MGST2: variants seen among roughly 807,000 people sequenced by gnomAD.
The protein encoded by MGST2 is glutathione peroxidase MGST2.
MGST2 carries 9 observed loss-of-function variants against 16.6 expected under a neutral mutation model. That is an observed-to-expected ratio of 0.54 (90% confidence interval 0.33 to 0.95). MGST2 has a LOEUF of 0.95. MGST2 is among the 40% of genes least tolerant of loss of function. The pLI is 0.03. For synonymous variants in MGST2, 79 were observed against 68.0 expected (o/e 1.16, Z -0.79); for missense variants, 159 against 175.1 (o/e 0.91, Z 0.52).
chr4:139,692,845 G>A (rs1292582668), intron 2 of MGST2, among the ~76,000 whole-genome samples: 1 of 152,212 alleles, frequency 6.6e-6, no homozygotes. Context: ...GCCCTCTGCA[G>A]TGCAGTTTGG....
chr4:139,691,264 T>C lies in MGST2; in HGVS notation c.159-3933T>C, dbSNP rs191034503. ...ACAGCTACTGCAGGCTGTTTGCTGT[T>C]CCATTTGGGAAATTTTCCTGAGGAT... On this transcript the variant is annotated intron_variant, in intron 2 of 4. Transcript: ENST00000265498. Among the ~76,000 whole-genome samples, 550 of 152,322 alleles carry C rather than the reference T, an allele frequency of 3.6e-3. 8 individuals are homozygous for C. Among genetic ancestry groups the C allele is most frequent in the Non-Finnish European group, 3.3e-3 (224 of 68,040 alleles).
At position 139,733,999 on chromosome 4, in the gene MGST2, G is replaced by T. The variant is rs542598980; in HGVS notation, c.*49-6213G>T. 6.6e-5 allele frequency among the ~76,000 whole-genome samples: 10 copies of T among 152,298 alleles called. No individual in the cohort carries two copies. The South Asian group carries it at 2.1e-3, about 32-fold the overall frequency. The stretch of plus-strand genomic sequence containing the variant: ...GAGCCACTGCTCCCAGCCACTATGT[G>T]CATTCTTAAAGGACTGCCTTCCATA... On this transcript the variant is annotated intron_variant, in intron 5 of 5. Transcript: ENST00000616265.
At chr4:139,688,462 A>T (rs779893739) in intron 2 of MGST2, among the ~76,000 whole-genome samples, 2 of 151,860 alleles carry the variant, frequency 1.3e-5, no homozygotes, top group Non-Finnish European at 2.9e-5. Flanking sequence ...ATCATCGTGA[A>T]TCTCGGTACC....
At chr4:139,719,242 C>A (rs1728121347) in intron 5 of MGST2, 2 of 1,467,674 alleles carry the variant, frequency 1.4e-6, no homozygotes, top group Non-Finnish European at 1.8e-6. Flanking sequence ...AAACAAAAAA[C>A]AAGGATGGGT....
At chr4:139,719,484 G>A (rs1438200852) in intron 5 of MGST2, 8 of 1,614,004 alleles carry the variant, frequency 5.0e-6, no homozygotes, top group Middle Eastern at 1.6e-4. Flanking sequence ...GGGGCATTCC[G>A]CTCATAGGCT....
chr4:139,700,011 G>A (rs1727149737), intron 3 of MGST2, among the ~76,000 whole-genome samples: 1 of 151,904 alleles, frequency 6.6e-6, no homozygotes. Flanking sequence ...CAGCATGGGT[G>A]ACAGAGTGAG....
intron 3 of MGST2, among the ~76,000 whole-genome samples, chr4:139,701,087 G>A (rs1237855178): frequency 6.6e-6 from 1 of 152,160 alleles, no homozygotes; most frequent in African/African-American, 2.4e-5. Flanking sequence ...GTAAGAGCAC[G>A]TTAACAACTA....
chr4:139,693,556 C>G (rs769092269), intron 2 of MGST2, among the ~76,000 whole-genome samples: 1 of 152,084 alleles, frequency 6.6e-6, no homozygotes, highest in Non-Finnish European at 1.5e-5. Flanking sequence ...CTTGCATAGC[C>G]GTAATATAAA....
rs1467463737 is a variant in MGST2 at position 139,683,304 on chromosome 4, A to G, written c.158+4662A>G. 4.6e-5 allele frequency among the ~76,000 whole-genome samples: 7 copies of G among 152,246 alleles called. No individual in the cohort carries two copies. In the East Asian group the frequency reaches 1.2e-3, roughly 25 times the overall value. On this transcript the variant is annotated intron_variant, in intron 2 of 4. Transcript: ENST00000265498. ...CTCATAGAATTTTCTGACATAATGA[A>G]TGTGAAGTGTGAGAACAGTCAAGAA...
chr4:139,742,909 A>C (rs1729212049), downstream of MGST2, among the ~76,000 whole-genome samples: 1 of 152,136 alleles, frequency 6.6e-6, no homozygotes, highest in Non-Finnish European at 1.5e-5. Context: ...TCCCTTCTAA[A>C]AGCATAAATA....
At chr4:139,685,367 C>A in intron 2 of MGST2, 1 of 162,478 alleles carries the variant, frequency 6.2e-6, no homozygotes. Flanking sequence ...GCCAGATCAG[C>A]CGAATCAACC....
chr4:139,684,011 C>T (rs371137449), intron 2 of MGST2, among the ~76,000 whole-genome samples: 1 of 151,042 alleles, frequency 6.6e-6, no homozygotes, highest in African/African-American at 2.4e-5. Context: ...CTGCAACCTC[C>T]GCCTCCCAGG....
chr4:139,714,806 C>G (rs2110935217), intron 5 of MGST2, among the ~76,000 whole-genome samples: 1 of 152,206 alleles, frequency 6.6e-6, no homozygotes, highest in Admixed American at 6.5e-5. Context: ...TGCAGCGACA[C>G]TAAAAAGTTC....
rs1395811794 is a variant in MGST2 at position 139,695,251 on chromosome 4, G to A, written c.213G>A (p.Gly71=). The A allele has an allele frequency of 6.2e-7, 1 of 1,612,478 alleles. No individual in the cohort carries two copies. The highest frequency in any genetic ancestry group is 8.5e-7 in the Non-Finnish European group (1 of 1,178,540). ...PIFIITLWMA[G]WYFNQVFATC... is the part of the protein sequence containing the mutation. ...TCATAATTACATTGTGGATGGCTGG[G>A]TGGTATTTCAACCAAGGTAATGTTA... The change falls in exon 3 of 5, where the codon GGG becomes GGA. Residue 71 remains glycine, a synonymous_variant. Coordinates refer to ENST00000265498, the MANE Select transcript of MGST2 (RefSeq NM_002413.5).
At chr4:139,699,795 T>C (rs1727136249) in intron 3 of MGST2, among the ~76,000 whole-genome samples, 1 of 152,132 alleles carries the variant, frequency 6.6e-6, no homozygotes, top group South Asian at 2.1e-4. Context: ...TCCCAGCAAT[T>C]TGGGAGGCTA....
At position 139,715,312 on chromosome 4, in the gene MGST2, G is replaced by A. The variant is rs953031927; in HGVS notation, c.*48+11116G>A. 6.6e-6 allele frequency among the ~76,000 whole-genome samples: 1 copy of A among 152,098 alleles called. No homozygotes were observed. The highest frequency in any genetic ancestry group is 2.4e-5 in the African/African-American group (1 of 41,414). ...GGTGTCTCCCCAGTATCGTCCCATCGTTCTCCAGAAATATGTTAGAGGACT... is the reference window on the plus strand; with the variant it reads ...GGTGTCTCCCCAGTATCGTCCCATCATTCTCCAGAAATATGTTAGAGGACT... On this transcript the variant is annotated intron_variant, in intron 5 of 5. Coordinates refer to the MGST2 transcript ENST00000616265. This position sits in a 1 kb window ranked among gnomAD's most constrained non-coding sequence, Gnocchi z 4.4.
At chr4:139,674,567 G>A (rs1015700542) in intron 1 of MGST2, among the ~76,000 whole-genome samples, 2 of 151,974 alleles carry the variant, frequency 1.3e-5, no homozygotes, top group Admixed American at 1.3e-4. Context: ...ATCACTTGAG[G>A]TCAGGAGTTC....
the MGST2 span, among the ~76,000 whole-genome samples, chr4:139,747,401 T>C: frequency 6.6e-6 from 1 of 152,194 alleles, no homozygotes; most frequent in East Asian, 1.9e-4. Flanking sequence ...TTTAAAAATG[T>C]CTTCCTTGTA....
Position 139,733,666 on chromosome 4 carries a change from G to A in MGST2, c.*49-6546G>A, listed in dbSNP as rs1250438051. On this transcript the variant is annotated intron_variant, in intron 5 of 5. Coordinates refer to the MGST2 transcript ENST00000616265. ...GCTTCTCACTGAAGACCTACAGGCA[G>A]GAAGGGCTGTATGTATTATTTTATG... is the stretch of plus-strand genomic sequence containing the variant. Among the ~76,000 whole-genome samples, 3 of 151,988 alleles carry A rather than the reference G, an allele frequency of 2.0e-5. No homozygotes were observed. In the East Asian group the frequency reaches 5.8e-4, roughly 29 times the overall value.
Sources: allele counts gnomAD v4.1 joint callset (sites outside exome capture counted in the v4.1 genomes callset), GRCh38; gene constraint gnomAD v4.1.1; non-coding constraint Gnocchi (gnomAD v3.1); transcripts MANE v1.5; gene names NCBI Gene and HGNC (gene_info 2026-07-23, HGNC 2026-07-21).